Variants in RGS6 observed in about 807,000 individuals in gnomAD.
RGS6 encodes regulator of G-protein signaling 6.
Under a neutral mutation model 78.5 loss-of-function variants are expected in RGS6, and 30 were observed. That is an observed-to-expected ratio of 0.38 (90% CI 0.29 to 0.52). RGS6 has a LOEUF of 0.52. Among genes scored for constraint, RGS6 ranks in the 20% least tolerant of loss-of-function variants. The pLI, the probability that RGS6 is intolerant of heterozygous loss-of-function variation, is 0.85. For missense variants in RGS6, 495 were observed against 609.7 expected (o/e 0.81, Z 1.98); for synonymous variants, 206 against 206.0 (o/e 1.00, Z 0.00).
intron 3 of RGS6, among the ~76,000 whole-genome samples, chr14:72,394,946 G>A (rs775656790): frequency 1.4e-4 from 22 of 152,272 alleles, no homozygotes; most frequent in East Asian, 5.8e-4. Context: ...ACTAATTAGC[G>A]TCCATGAAAT....
At chr14:72,301,154 G>T (rs1236360637) in intron 2 of RGS6, among the ~76,000 whole-genome samples, 5 of 152,162 alleles carry the variant, frequency 3.3e-5, no homozygotes. Flanking sequence ...TTCAGATTCA[G>T]AAAGAACAGT....
At chr14:72,579,788 G>A in the RGS6 span, among the ~76,000 whole-genome samples, 4 of 152,184 alleles carry the variant, frequency 2.6e-5, no homozygotes, top group Admixed American at 2.0e-4. Flanking sequence ...AAGTAAACAT[G>A]GCAGCATATA....
chr14:71,937,321 C>A (rs1381202409), intron 1 of RGS6, among the ~76,000 whole-genome samples: 1 of 152,156 alleles, frequency 6.6e-6, no homozygotes, highest in Non-Finnish European at 1.5e-5. Flanking sequence ...AAGGTAATGT[C>A]TTGGGAACAG....
rs79156866 is a variant in RGS6 at position 72,158,298 on chromosome 14, C to T, written c.84+193423C>T. Among the ~76,000 whole-genome samples, 5 of 152,120 alleles carry T rather than the reference C, an allele frequency of 3.3e-5. No individual in the cohort carries two copies. In the East Asian group the frequency reaches 5.8e-4, roughly 18 times the overall value. ...TCATGTCATCATCTCTCTTTGTGTC[C>T]GAATTTCTTCTTCTCGTGAGGACAC... On this transcript the variant is annotated intron_variant, in intron 2 of 17. Transcript: ENST00000553525.
At chr14:71,921,369 A>T in the RGS6 span, among the ~76,000 whole-genome samples, 5 of 152,274 alleles carry the variant, frequency 3.3e-5, no homozygotes, top group African/African-American at 1.2e-4. Context: ...CCACTACTGG[A>T]TATATAACCA....
intron 2 of RGS6, among the ~76,000 whole-genome samples, chr14:72,023,883 AGAGG>A (rs1005636574): frequency 3.3e-5 from 5 of 152,168 alleles, no homozygotes; most frequent in African/African-American, 1.2e-4. Context: ...TTTCACAGAG[AGAGG>A]GAGGTGGAAC....
chr14:71,984,881 A>ATCGCT (rs1405703244), intron 2 of RGS6, among the ~76,000 whole-genome samples: 1 of 152,184 alleles, frequency 6.6e-6, no homozygotes, highest in African/African-American at 2.4e-5. Flanking sequence ...AAAAGTAATA[A>ATCGCT]TTCAATTTAG....
chr14:71,962,437 C>T (rs575769409), intron 1 of RGS6, among the ~76,000 whole-genome samples: 7 of 152,188 alleles, frequency 4.6e-5, no homozygotes, highest in South Asian at 2.1e-4. Flanking sequence ...AAACTTAAAA[C>T]GTCTCTATTA....
chr14:72,117,337 G>C (rs543297777), intron 2 of RGS6, among the ~76,000 whole-genome samples: 155 of 152,234 alleles, frequency 1.0e-3, no homozygotes, highest in African/African-American at 3.5e-3. Flanking sequence ...TCCTCCCTGA[G>C]GTCATGAGTT....
At chr14:72,029,257 A>G (rs1291402236) in intron 2 of RGS6, among the ~76,000 whole-genome samples, 1 of 152,220 alleles carries the variant, frequency 6.6e-6, no homozygotes, top group Non-Finnish European at 1.5e-5. Context: ...TCACCCAAAG[A>G]CTGCAGATCT....
chr14:72,250,135 A>G (rs1461720173), intron 2 of RGS6, among the ~76,000 whole-genome samples: 1 of 150,914 alleles, frequency 6.6e-6, no homozygotes, highest in African/African-American at 2.4e-5. Context: ...GATATACCTA[A>G]TGCTAGATGA....
chr14:72,364,096 G>A (rs1208196165), intron 3 of RGS6, among the ~76,000 whole-genome samples: 1 of 148,732 alleles, frequency 6.7e-6, no homozygotes, highest in African/African-American at 2.5e-5. Context: ...TTTCTATCTA[G>A]TTAGAATACA....
At chr14:72,158,180 G>A (rs1008809459) in intron 2 of RGS6, among the ~76,000 whole-genome samples, 4 of 152,110 alleles carry the variant, frequency 2.6e-5, no homozygotes, top group South Asian at 4.1e-4. Context: ...GAAAGGCATC[G>A]GTAGGGCTGG....
chr14:72,191,811 C>A (rs1358545100), intron 2 of RGS6, among the ~76,000 whole-genome samples: 3 of 152,150 alleles, frequency 2.0e-5, no homozygotes, highest in African/African-American at 7.2e-5. Flanking sequence ...GTGGTCATGT[C>A]CATCCCGGGC....
At chr14:72,237,597 C>A (rs1240753581) in intron 2 of RGS6, among the ~76,000 whole-genome samples, 1 of 152,144 alleles carries the variant, frequency 6.6e-6, no homozygotes, top group Admixed American at 6.5e-5. Context: ...TAAACTAGAA[C>A]CCTGGTTTCC....
At chr14:72,176,908 C>A (rs934212997) in intron 2 of RGS6, among the ~76,000 whole-genome samples, 6 of 152,162 alleles carry the variant, frequency 3.9e-5, no homozygotes, top group African/African-American at 7.2e-5. Flanking sequence ...TTTCCAATCT[C>A]TCCCCAAGAT....
At chr14:72,491,081 C>T (rs2096571720) in intron 12 of RGS6, among the ~76,000 whole-genome samples, 2 of 152,288 alleles carry the variant, frequency 1.3e-5, no homozygotes, top group African/African-American at 2.4e-5. Flanking sequence ...CAGCATTAAG[C>T]TAATTGGCCA....
At chr14:71,875,900 G>T in the RGS6 span, among the ~76,000 whole-genome samples, 7 of 152,124 alleles carry the variant, frequency 4.6e-5, no homozygotes, top group African/African-American at 7.2e-5. Context: ...ATCTCATTAT[G>T]TACCCAGTAG....
chr14:72,480,344 G>A (rs1023671033), intron 12 of RGS6, among the ~76,000 whole-genome samples: 3 of 152,224 alleles, frequency 2.0e-5, no homozygotes, highest in Non-Finnish European at 4.4e-5. Flanking sequence ...CCAAGGTGGA[G>A]GCGGGGAGCC....
Sources: allele counts gnomAD v4.1 joint callset (sites outside exome capture counted in the v4.1 genomes callset), GRCh38; gene constraint gnomAD v4.1.1; transcripts MANE v1.5; gene names NCBI Gene and HGNC (gene_info 2026-07-23, HGNC 2026-07-21).